UPRT: variants seen among roughly 807,000 people sequenced by gnomAD.
UPRT encodes the protein RP11-311P8.3.
UPRT carries 5 observed loss-of-function variants against 22.6 expected under a neutral mutation model. That is an observed-to-expected ratio of 0.22 (90% CI 0.12 to 0.47). The LOEUF (loss-of-function observed/expected upper bound fraction) is 0.47. UPRT is among the 20% of genes least tolerant of loss of function. The probability of loss-of-function intolerance (pLI) is 0.99; values close to 1 mark genes in which losing one functional copy is unlikely to be tolerated. For missense variants in UPRT, 181 were observed against 239.9 expected (o/e 0.75, Z 1.62); for synonymous variants, 77 against 87.7 (o/e 0.88, Z 0.68).
intron 4 of UPRT, among the ~76,000 whole-genome samples, chrX:75,235,015 A>G (rs1314342306): frequency 3.6e-5 from 4 of 112,017 alleles, no homozygotes; most frequent in Non-Finnish European, 5.6e-5. Flanking sequence ...TTTTGAAAAG[A>G]TCAACAAAAT....
rs150275275 is a variant in UPRT at position 75,297,763 on chromosome X, A to G, written c.562+210A>G. On this transcript the variant is annotated intron_variant, in intron 4 of 6. Coordinates refer to ENST00000373383, the MANE Select transcript of UPRT (RefSeq NM_145052.4). The stretch of plus-strand genomic sequence containing the variant: ...TTAACTACAGAGCGTATTCCCTAAT[A>G]GAGTGCTCCCATGGGCAAGCCAGCT... The G allele has an allele frequency of 3.0e-3, 1,231 of 410,990 alleles. 14 individuals carry two copies. The highest frequency in any genetic ancestry group is 0.026 in the African/African-American group (1,036 of 39,705). The allele number at this position is 410,990 out of a possible 1,213,427, so 33.9% of individuals were successfully genotyped here. A position where few individuals can be genotyped will look rare whatever the true frequency, so the allele number is the denominator to read the frequency against.
At chrX:75,283,394 C>T (rs760656518) in intron 1 of UPRT, among the ~76,000 whole-genome samples, 62 of 110,990 alleles carry the variant, frequency 5.6e-4, no homozygotes, top group Non-Finnish European at 9.4e-4. Flanking sequence ...ATAGGTCCTG[C>T]ATGATTTATG....
At chrX:75,297,810 A>G (rs2082731140) in intron 4 of UPRT, 2 of 350,054 alleles carry the variant, frequency 5.7e-6, no homozygotes, top group South Asian at 1.3e-4. Flanking sequence ...TCAGAGGAGG[A>G]TGGGAGGATA....
intron 4 of UPRT, among the ~76,000 whole-genome samples, chrX:75,178,158 A>G (rs1257404279): frequency 1.8e-5 from 2 of 112,211 alleles, no homozygotes; most frequent in Non-Finnish European, 3.8e-5. Context: ...TAGGCAAACC[A>G]ACGGTCCCAA....
chrX:75,269,262 G>T (rs1396558688), upstream of UPRT, among the ~76,000 whole-genome samples: 1 of 111,507 alleles, frequency 9.0e-6, no homozygotes, highest in East Asian at 2.8e-4. Flanking sequence ...GAGAGAACAC[G>T]AACAAATGGA....
chrX:75,291,627 C>T (rs187362772), intron 1 of UPRT: 15 of 131,999 alleles, frequency 1.1e-4, no homozygotes, highest in Non-Finnish European at 5.9e-5. Context: ...TATTGAAGGC[C>T]ATTGTGGAAT....
intron 4 of UPRT, among the ~76,000 whole-genome samples, chrX:75,212,053 T>A (rs1181099041): frequency 9.0e-6 from 1 of 111,665 alleles, no homozygotes; most frequent in Non-Finnish European, 1.9e-5. Flanking sequence ...TTCCTTGCAC[T>A]TTCTCTCAGC....
At chrX:75,191,504 AT>A (rs1290482058) in intron 4 of UPRT, among the ~76,000 whole-genome samples, 1 of 108,326 alleles carries the variant, frequency 9.2e-6, no homozygotes, top group African/African-American at 3.3e-5. Context: ...AGACAGGAAC[AT>A]TTAAATCTGC....
intron 4 of UPRT, among the ~76,000 whole-genome samples, chrX:75,298,772 A>G (rs2082734825): frequency 8.9e-6 from 1 of 111,736 alleles, no homozygotes; most frequent in South Asian, 3.7e-4. Context: ...AAAAACTGGT[A>G]AAGACAATGG....
Position 75,287,865 on chromosome X carries a change from AGAGG to A in UPRT, c.387-5606_387-5603del, listed in dbSNP as rs757169375. Among the ~76,000 whole-genome samples, 5 of 111,850 alleles carry A rather than the reference AGAGG, an allele frequency of 4.5e-5. No homozygotes were observed. In the East Asian group the frequency reaches 1.4e-3, roughly 31 times the overall value. On this transcript the variant is annotated intron_variant, in intron 1 of 6. Coordinates refer to ENST00000373383, the MANE Select transcript of UPRT (RefSeq NM_145052.4). Reference sequence around the variant, plus strand: ...GAAATTGATACACAAAAATTCATACAGAGGATCAACAAAGTCAAAAGTTACTTCT... The same window carrying A: ...GAAATTGATACACAAAAATTCATACAATCAACAAAGTCAAAAGTTACTTCT...
At chrX:75,178,516 C>T (rs764299393) in intron 4 of UPRT, among the ~76,000 whole-genome samples, 6 of 111,744 alleles carry the variant, frequency 5.4e-5, no homozygotes, top group Admixed American at 2.8e-4. Context: ...CGGACCCTCA[C>T]GGTGAGTGTT....
At chrX:75,244,086 T>C (rs1327145309) in intron 4 of UPRT, among the ~76,000 whole-genome samples, 2 of 111,598 alleles carry the variant, frequency 1.8e-5, no homozygotes, top group Non-Finnish European at 3.8e-5. Context: ...TTTGTAATTA[T>C]AGCTAACAGT....
At chrX:75,221,258 T>C (rs1464149798) in intron 4 of UPRT, among the ~76,000 whole-genome samples, 2 of 110,856 alleles carry the variant, frequency 1.8e-5, no homozygotes, top group African/African-American at 6.5e-5. Flanking sequence ...TCTTTATTGT[T>C]GACATTTTGG....
At chrX:75,280,795 T>C (rs1350959506) in intron 1 of UPRT, among the ~76,000 whole-genome samples, 2 of 111,598 alleles carry the variant, frequency 1.8e-5, no homozygotes, top group African/African-American at 6.5e-5. Context: ...TTGTTTTTTC[T>C]AATTCTGTGA....
At position 75,172,729 on chromosome X, in the gene UPRT, G is replaced by A. The variant is rs139571544; in HGVS notation, c.-447+4850G>A. Among the ~76,000 whole-genome samples, 7 of 110,029 alleles carry A rather than the reference G, an allele frequency of 6.4e-5. No individual in the cohort carries two copies. The East Asian group carries it at 1.4e-3, about 22-fold the overall frequency. On this transcript the variant is annotated intron_variant, in intron 4 of 13. Coordinates refer to the UPRT transcript ENST00000652605. ...CTTAGGAGTGAAGCTGCAGACTTTC[G>A]CGGTGAGTGTAACAGCTCTTAAGGC...
chrX:75,206,386 G>A (rs865965604), intron 4 of UPRT, among the ~76,000 whole-genome samples: 17 of 111,010 alleles, frequency 1.5e-4, no homozygotes, highest in Non-Finnish European at 2.6e-4. Context: ...ATAATTTCCT[G>A]AGGGTAAGTT....
At chrX:75,186,361 G>T (rs1245819188) in intron 4 of UPRT, among the ~76,000 whole-genome samples, 1 of 111,853 alleles carries the variant, frequency 8.9e-6, no homozygotes. Flanking sequence ...CTGACTTCTA[G>T]TTTGATTGCA....
intron 4 of UPRT, among the ~76,000 whole-genome samples, chrX:75,216,689 G>A (rs996742465): frequency 1.8e-5 from 2 of 112,481 alleles, no homozygotes; most frequent in African/African-American, 6.5e-5. Context: ...CATTCTGTTT[G>A]ACCATCCAGC....
chrX:75,264,217 G>A (rs1288392664), intron 4 of UPRT, among the ~76,000 whole-genome samples: 2 of 111,799 alleles, frequency 1.8e-5, no homozygotes, highest in Non-Finnish European at 3.8e-5. Context: ...GGGGTGGAGA[G>A]TTCTGTAGAT....
Sources: gnomAD v4.1 joint callset for allele counts (sites outside exome capture counted in the v4.1 genomes callset) on GRCh38, gnomAD v4.1.1 for gene constraint, MANE v1.5 for transcripts, NCBI Gene and HGNC (gene_info 2026-07-23, HGNC 2026-07-21) for gene names.